The following RNLS variants were observed in gnomAD, a reference collection of about 807,000 sequenced individuals.
The protein encoded by RNLS is renalase, FAD dependent amine oxidase.
In RNLS, 39 loss-of-function variants were observed where a neutral mutation model predicts 39.8. The observed-to-expected ratio is 0.98, with a 90% CI of 0.76 to 1.28. RNLS has a LOEUF of 1.28. Among genes scored for constraint, RNLS ranks in the 50% most tolerant of loss-of-function variants. The pLI, the probability that RNLS is intolerant of heterozygous loss-of-function variation, is 0.00. For missense variants in RNLS, 410 were observed against 413.3 expected (o/e 0.99, Z 0.07); for synonymous variants, 147 against 150.7 (o/e 0.98, Z 0.18).
In RNLS at chr10:88,330,092, A is replaced by ATATATAT. The variant is rs750773423; in HGVS notation, c.701-15452_701-15451insATATATA. Among the ~76,000 whole-genome samples the ATATATAT allele has an allele frequency of 2.4e-4, 33 of 138,232 alleles. 2 individuals are homozygous for ATATATAT. In the South Asian group the frequency reaches 2.7e-3, roughly 11 times the overall value. The allele number at this position is 138,232 out of a possible 152,430, so 90.7% of individuals were successfully genotyped here. On this transcript the variant is annotated intron_variant, in intron 5 of 6. Coordinates refer to ENST00000331772, the MANE Select transcript of RNLS (RefSeq NM_001031709.3). The stretch of plus-strand genomic sequence containing the variant: ...TGAGATATATATATATATATATATA[A>ATATATAT]ATATAAATATATATACACACACTAT...
At chr10:88,418,210 T>A (rs1348357886) in intron 4 of RNLS, among the ~76,000 whole-genome samples, 2 of 152,100 alleles carry the variant, frequency 1.3e-5, no homozygotes, top group African/African-American at 2.4e-5. Context: ...TGCTTTCCCA[T>A]GTTATCTTGT....
At chr10:88,581,294 G>GTATATATATATATA (rs61477690) in intron 3 of RNLS, among the ~76,000 whole-genome samples, 2,278 of 129,658 alleles carry the variant, frequency 0.018, 31 homozygotes, top group South Asian at 0.052. Flanking sequence ...GTGTGTGTGT[G>GTATATATATATATA]TATATATATA....
chr10:88,311,463 C>A (rs1165599812), intron 6 of RNLS, among the ~76,000 whole-genome samples: 1 of 152,136 alleles, frequency 6.6e-6, no homozygotes, highest in African/African-American at 2.4e-5. Context: ...GAACTGAGAA[C>A]CACAAAAAGT....
chr10:88,381,474 T>C (rs566432289), intron 4 of RNLS, among the ~76,000 whole-genome samples: 1 of 150,010 alleles, frequency 6.7e-6, no homozygotes, highest in African/African-American at 2.4e-5. Context: ...TGTATATATT[T>C]GTATGTGTAT....
chr10:88,489,343 A>G (rs560177220), intron 4 of RNLS, among the ~76,000 whole-genome samples: 42 of 152,282 alleles, frequency 2.8e-4, no homozygotes, highest in African/African-American at 9.6e-4. Flanking sequence ...TCAGAAAATG[A>G]AAGAGAAAAT....
At chr10:88,300,751 G>A (rs1844454916) in intron 6 of RNLS, among the ~76,000 whole-genome samples, 1 of 152,216 alleles carries the variant, frequency 6.6e-6, no homozygotes, top group Non-Finnish European at 1.5e-5. Flanking sequence ...ACACATAGTG[G>A]AAGCTCAACA....
intron 4 of RNLS, among the ~76,000 whole-genome samples, chr10:88,559,264 G>A (rs1331064033): frequency 6.6e-6 from 1 of 152,138 alleles, no homozygotes; most frequent in Non-Finnish European, 1.5e-5. Flanking sequence ...TTAAGCATAT[G>A]TTAAGGTTAA....
the RNLS span, among the ~76,000 whole-genome samples, chr10:88,183,874 G>T: frequency 6.6e-6 from 1 of 152,130 alleles, no homozygotes; most frequent in African/African-American, 2.4e-5. Context: ...TGGAATCAAT[G>T]GCGATACTGA....
rs994832909 is a variant in RNLS, at chr10:88,473,544, A to T, written c.526+99359T>A. ...CAGTCCAGGTATGCAATCTATGATT[A>T]TGAAAAGCACAGCCCTTCTTTACCA... On this transcript the variant is annotated intron_variant, in intron 4 of 6. Coordinates refer to ENST00000331772, the MANE Select transcript of RNLS (RefSeq NM_001031709.3). Among the ~76,000 whole-genome samples, 4 of 152,338 alleles carry T rather than the reference A, an allele frequency of 2.6e-5. No homozygotes were observed. In the South Asian group the frequency reaches 8.3e-4, roughly 32 times the overall value.
intron 3 of RNLS, 46 bp downstream of exon 3, chr10:88,581,521 T>C (rs779914808): frequency 3.3e-6 from 5 of 1,535,326 alleles, no homozygotes; most frequent in Non-Finnish European, 3.5e-6. Context: ...TAACTTGTTT[T>C]TAAATGCTAA....
rs545451902 is a variant in RNLS at position 88,506,581 on chromosome 10, T to C, written c.526+66322A>G. On this transcript the variant is annotated intron_variant, in intron 4 of 6. Transcript: ENST00000331772. ...AATAAGAATTTAAAAATAAATAAAA[T>C]TTATACATTTATATCTATATATAAG... 2.6e-5 allele frequency among the ~76,000 whole-genome samples: 4 copies of C among 151,548 alleles called. No homozygotes were observed. In the South Asian group the frequency reaches 8.3e-4, roughly 32 times the overall value.
At chr10:88,241,270 A>G in the RNLS span, among the ~76,000 whole-genome samples, 1 of 150,198 alleles carries the variant, frequency 6.7e-6, no homozygotes, top group Non-Finnish European at 1.5e-5. Context: ...AAGTCCGCAA[A>G]GTTTTCTGGA....
intron 4 of RNLS, among the ~76,000 whole-genome samples, chr10:88,495,223 C>T (rs1183126558): frequency 1.3e-5 from 2 of 152,062 alleles, no homozygotes; most frequent in Non-Finnish European, 1.5e-5. Flanking sequence ...CAGGGACTTT[C>T]CAAGCATTGC....
At chr10:88,252,625 C>T in the RNLS span, among the ~76,000 whole-genome samples, 17 of 152,232 alleles carry the variant, frequency 1.1e-4, no homozygotes, top group African/African-American at 2.9e-4. Flanking sequence ...CCTGGAGATC[C>T]GGTTAAGTTT....
the RNLS span, among the ~76,000 whole-genome samples, chr10:88,254,002 C>T: frequency 3.9e-5 from 6 of 152,202 alleles, no homozygotes; most frequent in Admixed American, 1.3e-4. Flanking sequence ...TCTTTGTGTC[C>T]TCTATAAATC....
At chr10:88,277,026 C>T (rs927158505) in intron 6 of RNLS, among the ~76,000 whole-genome samples, 8 of 152,104 alleles carry the variant, frequency 5.3e-5, no homozygotes, top group Non-Finnish European at 7.4e-5. Flanking sequence ...CACATGCACA[C>T]GTATGTTTAC....
rs1845614711 is a variant in RNLS at position 88,314,539 on chromosome 10, TG to T, written c.802del (p.Gln268SerfsTer37). On this transcript the variant is annotated frameshift_variant, in exon 6 of 7. Coordinates refer to ENST00000331772, the MANE Select transcript of RNLS (RefSeq NM_001031709.3). LOFTEE classifies it high-confidence loss of function. ...SIEDVQELVF[Q>X]QLENILPGLP... ...ACCCGGCAAAATGTTTTCCAGCTGCTGGAAGACTAACTCTTGCACATCCTCA... is the reference window on the plus strand; with the variant it reads ...ACCCGGCAAAATGTTTTCCAGCTGCTGAAGACTAACTCTTGCACATCCTCA... 1 of 1,613,908 alleles carries T rather than the reference TG, an allele frequency of 6.2e-7. No individual in the cohort carries two copies. Among genetic ancestry groups the T allele is most frequent in the African/African-American group, 1.3e-5 (1 of 74,928 alleles).
intron 4 of RNLS, among the ~76,000 whole-genome samples, chr10:88,396,403 A>G (rs1167789570): frequency 6.6e-6 from 1 of 151,838 alleles, no homozygotes; most frequent in Admixed American, 6.6e-5. Flanking sequence ...ATTAATCCAA[A>G]CTAGATTGTT....
the RNLS span, among the ~76,000 whole-genome samples, chr10:88,255,565 T>C: frequency 1.6e-4 from 25 of 152,166 alleles, no homozygotes; most frequent in Admixed American, 1.6e-3. Flanking sequence ...CAACTAGACG[T>C]TGGAGGCTGT....
Sources: allele counts gnomAD v4.1 joint callset (sites outside exome capture counted in the v4.1 genomes callset), GRCh38; gene constraint gnomAD v4.1.1; transcripts MANE v1.5; gene names NCBI Gene and HGNC (gene_info 2026-07-23, HGNC 2026-07-21).